Variants in KLHDC1 observed in about 807,000 individuals in gnomAD.
The protein encoded by KLHDC1 is kelch domain-containing protein 1.
A neutral mutation model predicts 68.3 loss-of-function variants in KLHDC1; 53 were observed. The observed-to-expected ratio is 0.78, with a 90% CI of 0.62 to 0.98. The LOEUF is 0.98. Ranked by LOEUF, KLHDC1 falls within the 50% of genes least tolerant of loss-of-function variation. The pLI is 0.00. For missense variants in KLHDC1, 470 were observed against 492.3 expected, an observed-to-expected ratio of 0.95 and a Z score of 0.43; for synonymous variants, 148 against 159.0, an observed-to-expected ratio of 0.93 and a Z score of 0.52.
intron 1 of KLHDC1, among the ~76,000 whole-genome samples, chr14:49,698,844 T>G (rs1025522002): frequency 2.6e-5 from 4 of 151,974 alleles, no homozygotes; most frequent in Non-Finnish European, 4.4e-5. Flanking sequence ...GCATCTCGTT[T>G]TATTCTTGAA....
intron 1 of KLHDC1, among the ~76,000 whole-genome samples, chr14:49,703,297 C>T (rs949588424): frequency 2.0e-5 from 3 of 151,594 alleles, no homozygotes; most frequent in African/African-American, 4.8e-5. Context: ...CATCTCTAAA[C>T]AATATATTAT....
chr14:49,711,855 A>T (rs1888209402), intron 4 of KLHDC1, among the ~76,000 whole-genome samples: 1 of 149,922 alleles, frequency 6.7e-6, no homozygotes, highest in East Asian at 2.0e-4. Context: ...TCAGTAGGGG[A>T]CTAGATAAGG....
intron 4 of KLHDC1, among the ~76,000 whole-genome samples, chr14:49,717,939 A>G (rs185311470): frequency 6.6e-6 from 1 of 152,162 alleles, no homozygotes. Flanking sequence ...GCTGGAGTGC[A>G]GTGGTGCTTT....
chr14:49,708,238 T>G lies in KLHDC1; in HGVS notation c.97-921T>G, dbSNP rs557568732. 6 of 151,742 alleles carry G rather than the reference T, an allele frequency of 4.0e-5. No homozygotes were observed. In the East Asian group the frequency reaches 9.7e-4, roughly 25 times the overall value. 9.4% of individuals were successfully genotyped at this position (151,742 alleles called of 1,614,324 possible). A position where few individuals can be genotyped will look rare whatever the true frequency, so the allele number is the denominator to read the frequency against. ...GGCATACGCCACCATGCCTGGCTAG[T>G]TTTTTTTGTATTTTTAGTAGAGGTG... On this transcript the variant is annotated intron_variant, in intron 1 of 12. Coordinates refer to ENST00000359332, the MANE Select transcript of KLHDC1 (RefSeq NM_172193.3).
At chr14:49,735,250 T>C (rs1451284777) in intron 10 of KLHDC1, among the ~76,000 whole-genome samples, 1 of 151,902 alleles carries the variant, frequency 6.6e-6, no homozygotes, top group Non-Finnish European at 1.5e-5. Context: ...GTACTATAAT[T>C]CTTGTTTTTT....
chr14:49,735,912 G>T (rs555458354), intron 10 of KLHDC1, among the ~76,000 whole-genome samples: 2 of 152,210 alleles, frequency 1.3e-5, no homozygotes, highest in South Asian at 4.1e-4. Flanking sequence ...CTACTCAGGA[G>T]GCTGAGGTGG....
At chr14:49,750,651 T>G (rs1231583195) in intron 12 of KLHDC1, among the ~76,000 whole-genome samples, 1 of 152,248 alleles carries the variant, frequency 6.6e-6, no homozygotes, top group Non-Finnish European at 1.5e-5. Flanking sequence ...TTTTAACACT[T>G]ATTTTTTTGA....
chr14:49,717,327 A>G (rs1274172314), intron 4 of KLHDC1, among the ~76,000 whole-genome samples: 1 of 152,228 alleles, frequency 6.6e-6, no homozygotes, highest in East Asian at 1.9e-4. Flanking sequence ...TATTCCCACC[A>G]GCAAGGAACA....
chr14:49,728,649 CAA>C (rs1888729093), intron 6 of KLHDC1, among the ~76,000 whole-genome samples: 2 of 152,030 alleles, frequency 1.3e-5, no homozygotes, highest in African/African-American at 4.8e-5. Flanking sequence ...GTATTTCAAA[CAA>C]AAATTTACAT....
intron 1 of KLHDC1, among the ~76,000 whole-genome samples, chr14:49,704,926 T>C (rs914748535): frequency 3.3e-5 from 5 of 152,116 alleles, no homozygotes; most frequent in African/African-American, 1.2e-4. Flanking sequence ...ATAGACAAGA[T>C]CCCTGTACTC....
In KLHDC1 at chr14:49,734,573, T is replaced by G; in HGVS notation, c.824-16T>G. On this transcript the variant is annotated splice_polypyrimidine_tract_variant and intron_variant, in intron 9 of 12. Coordinates refer to ENST00000359332, the MANE Select transcript of KLHDC1 (RefSeq NM_172193.3). Reference sequence around the variant, plus strand: ...AGAGACCTAATCTTAATTTCTGAACTGTCATGATATTGCAGGTGATGGTTG... The same window carrying G: ...AGAGACCTAATCTTAATTTCTGAACGGTCATGATATTGCAGGTGATGGTTG... 3.3e-6 allele frequency: 5 copies of G among 1,494,044 alleles called. No individual in the cohort carries two copies. Among genetic ancestry groups the G allele is most frequent in the Non-Finnish European group, 4.6e-6 (5 of 1,095,700 alleles). 92.5% of individuals were successfully genotyped at this position (1,494,044 alleles called of 1,614,324 possible). A position where few individuals can be genotyped will look rare whatever the true frequency, so the allele number is the denominator to read the frequency against.
intron 11 of KLHDC1, among the ~76,000 whole-genome samples, chr14:49,741,633 A>G (rs1031372628): frequency 6.6e-6 from 1 of 151,788 alleles, no homozygotes; most frequent in African/African-American, 2.4e-5. Flanking sequence ...TATATCTTTT[A>G]CCACTGCTTT....
At chr14:49,700,030 CT>C (rs544505001) in intron 1 of KLHDC1, 49,122 of 304,888 alleles carry the variant, frequency 0.16, no homozygotes, top group South Asian at 0.25. Flanking sequence ...TGCTGTGAAC[CT>C]TTTTTTTTTT....
intron 4 of KLHDC1, among the ~76,000 whole-genome samples, chr14:49,712,506 T>C (rs920943465): frequency 6.6e-6 from 1 of 150,750 alleles, no homozygotes; most frequent in Non-Finnish European, 1.5e-5. Context: ...GATTTTCTTT[T>C]TTTTTTTTTT....
At chr14:49,716,992 G>A (rs912551944) in intron 4 of KLHDC1, among the ~76,000 whole-genome samples, 10 of 152,082 alleles carry the variant, frequency 6.6e-5, no homozygotes, top group African/African-American at 2.4e-4. Flanking sequence ...CTTTTTGTCT[G>A]CCTTATTTCA....
intron 1 of KLHDC1, among the ~76,000 whole-genome samples, chr14:49,699,663 C>T (rs1015411034): frequency 6.6e-6 from 1 of 152,142 alleles, no homozygotes; most frequent in Non-Finnish European, 1.5e-5. Flanking sequence ...CTAAAGCTCA[C>T]CGATATCTGT....
chr14:49,721,889 G>C lies in KLHDC1; in HGVS notation c.405-1985G>C, dbSNP rs527523269. ...TTTCAGCCTTGCATCTCCTCCCCTG[G>C]CCTTTGGAGGGCAGGTACTCTATAG... On this transcript the variant is annotated intron_variant, in intron 4 of 12. Coordinates refer to ENST00000359332, the MANE Select transcript of KLHDC1 (RefSeq NM_172193.3). Among the ~76,000 whole-genome samples, 298 of 152,204 alleles carry C rather than the reference G, an allele frequency of 2.0e-3. 3 individuals are homozygous for C. Among genetic ancestry groups the C allele is most frequent in the African/African-American group, 6.9e-3 (288 of 41,510 alleles).
At chr14:49,738,064 T>C (rs1888973614) in intron 10 of KLHDC1, among the ~76,000 whole-genome samples, 1 of 152,062 alleles carries the variant, frequency 6.6e-6, no homozygotes, top group Non-Finnish European at 1.5e-5. Context: ...AGTCTCGCTC[T>C]GTCATCAGGC....
At chr14:49,727,197 G>A (rs1594671100) in intron 6 of KLHDC1, among the ~76,000 whole-genome samples, 1 of 151,972 alleles carries the variant, frequency 6.6e-6, no homozygotes, top group Admixed American at 6.6e-5. Flanking sequence ...GCAGTGAGCG[G>A]AGATTGCTCC....
Sources: gnomAD v4.1 joint callset for allele counts (sites outside exome capture counted in the v4.1 genomes callset) on GRCh38, gnomAD v4.1.1 for gene constraint, MANE v1.5 for transcripts, NCBI Gene and HGNC (gene_info 2026-07-23, HGNC 2026-07-21) for gene names.